The following DNAH5 variants were observed in gnomAD, a reference collection of about 807,000 sequenced individuals.
DNAH5 encodes the protein axonemal beta dynein heavy chain 5.
DNAH5 carries 372 observed loss-of-function variants against 518.2 expected under a neutral mutation model. The ratio of observed to expected loss-of-function variants is 0.72; its 90% CI spans 0.66 to 0.78. The LOEUF is 0.78. Among genes scored for constraint, DNAH5 ranks in the 30% least tolerant of loss-of-function variants. The pLI is 0.00. For synonymous variants in DNAH5, 2,039 were observed against 2,025.9 expected (o/e 1.01, Z -0.17); for missense variants, 5,523 against 5,687.0 (o/e 0.97, Z 0.93).
At chr5:13,791,231 T>TG (rs1309449768) in intron 50 of DNAH5, among the ~76,000 whole-genome samples, 3 of 152,186 alleles carry the variant, frequency 2.0e-5, no homozygotes, top group Non-Finnish European at 4.4e-5. Context: ...TCTCTGTGTG[T>TG]TTATATGGAG....
chr5:13,735,723 TC>T, intron 67 of DNAH5, 94 bp downstream of exon 67: 1 of 988,824 alleles, frequency 1.0e-6, no homozygotes, highest in Non-Finnish European at 1.6e-6. Context: ...AGAAAAAGAC[TC>T]TTACTAACAA....
intron 1 of DNAH5, among the ~76,000 whole-genome samples, chr5:13,966,782 T>G (rs577434108): frequency 1.3e-5 from 2 of 152,260 alleles, no homozygotes; most frequent in African/African-American, 4.8e-5. Flanking sequence ...ATGCATAGTT[T>G]GTGAAGATAT....
intron 47 of DNAH5, among the ~76,000 whole-genome samples, chr5:13,804,519 A>C (rs1759271832): frequency 6.6e-6 from 1 of 152,242 alleles, no homozygotes; most frequent in African/African-American, 2.4e-5. Flanking sequence ...AATTACAGTG[A>C]GAAAGTTAAT....
At chr5:13,930,108 T>G (rs1402693916) in intron 2 of DNAH5, among the ~76,000 whole-genome samples, 1 of 152,162 alleles carries the variant, frequency 6.6e-6, no homozygotes, top group African/African-American at 2.4e-5. Context: ...GCTTGATCCA[T>G]CCTGTAGTTT....
rs759149687 is a variant in DNAH5, at chr5:13,916,453, T to G, written c.1092A>C (p.Leu364=). 2.0e-6 allele frequency: 3 copies of G among 1,523,020 alleles called. No individual in the cohort carries two copies. The highest frequency in any genetic ancestry group is 1.1e-5 in the South Asian group (1 of 89,260). The allele number at this position is 1,523,020 out of a possible 1,614,324, so 94.3% of individuals were successfully genotyped here. ...CCDPLYSSDP[L]SMMDAIPTLI... is the part of the protein sequence containing the mutation. ...GTGTAGGAATAGCATCCATCATGGATAGCTGAAAGATATCACCAAAGTTTT... is the reference window on the plus strand; with the variant it reads ...GTGTAGGAATAGCATCCATCATGGAGAGCTGAAAGATATCACCAAAGTTTT... Residue 364 remains leucine, a splice_region_variant and synonymous_variant, in exon 9 of 79, where the codon CTA becomes CTC. Transcript: ENST00000265104.
chr5:13,713,632 T>G (rs1186314155), intron 75 of DNAH5, among the ~76,000 whole-genome samples: 1 of 149,358 alleles, frequency 6.7e-6, no homozygotes, highest in Non-Finnish European at 1.5e-5. Flanking sequence ...ATGTGGGAGC[T>G]AAGCTATGAG....
chr5:13,810,906 A>G (rs1760602711), intron 44 of DNAH5, among the ~76,000 whole-genome samples: 1 of 152,242 alleles, frequency 6.6e-6, no homozygotes, highest in African/African-American at 2.4e-5. Context: ...GCCATAAAAA[A>G]GAATGAGAGC....
At position 13,802,321 on chromosome 5, in the gene DNAH5, A is replaced by C. The variant is rs376380914; in HGVS notation, c.7887+5270T>G. Among the ~76,000 whole-genome samples, 30 of 152,328 alleles carry C rather than the reference A, an allele frequency of 2.0e-4. No homozygotes were observed. The East Asian group carries it at 4.8e-3, about 24-fold the overall frequency. On this transcript the variant is annotated intron_variant, in intron 47 of 78. Coordinates refer to ENST00000265104, the MANE Select transcript of DNAH5 (RefSeq NM_001369.3). ...GGTCAGAAAACCAGGTAGGCTGAGG[A>C]ATGGAGCTCCCTTCTGGCTCTTTTC...
chr5:13,869,282 C>G (rs1050111834), intron 24 of DNAH5, among the ~76,000 whole-genome samples: 26 of 151,528 alleles, frequency 1.7e-4, no homozygotes, highest in African/African-American at 6.3e-4. Flanking sequence ...CCCAGACATT[C>G]CAGTTATAGT....
chr5:13,832,227 C>T (rs1396576227), intron 35 of DNAH5, among the ~76,000 whole-genome samples: 2 of 152,238 alleles, frequency 1.3e-5, no homozygotes, highest in African/African-American at 4.8e-5. Flanking sequence ...CACTCGGCTG[C>T]TGTGTTATGC....
At position 13,953,553 on chromosome 5, in the gene DNAH5, TAAA is replaced by T. The variant is rs139117537; in HGVS notation, c.13-22312_13-22310del. 1.1e-3 allele frequency among the ~76,000 whole-genome samples: 162 copies of T among 152,290 alleles called. 4 individuals are homozygous for T. In the East Asian group the frequency reaches 0.025, roughly 24 times the overall value. On this transcript the variant is annotated intron_variant, in intron 1 of 78. Transcript: ENST00000681290. ...CATAAAGGACCTTGCTATGAAAACA[TAAA>T]GAACAAGATAAGGCAAGAATTTTGA... is the stretch of plus-strand genomic sequence containing the variant.
At chr5:13,799,024 C>T (rs1758302780) in intron 47 of DNAH5, among the ~76,000 whole-genome samples, 1 of 151,984 alleles carries the variant, frequency 6.6e-6, no homozygotes, top group Admixed American at 6.6e-5. Flanking sequence ...CCTCAGCTTC[C>T]CAATGTGCTG....
intron 17 of DNAH5, among the ~76,000 whole-genome samples, chr5:13,887,651 C>T (rs150448976): frequency 5.9e-5 from 9 of 152,312 alleles, no homozygotes; most frequent in East Asian, 3.9e-4. Context: ...ACCTACTAGA[C>T]GCCATGTCTT....
chr5:13,790,643 T>G (rs1756822934), intron 50 of DNAH5, among the ~76,000 whole-genome samples: 2 of 152,172 alleles, frequency 1.3e-5, no homozygotes, highest in South Asian at 4.1e-4. Flanking sequence ...CTTCCCCTTT[T>G]GCTCCACACT....
intron 1 of DNAH5, among the ~76,000 whole-genome samples, chr5:13,996,222 C>T (rs1783935898): frequency 1.3e-5 from 2 of 152,168 alleles, no homozygotes; most frequent in South Asian, 2.1e-4. Context: ...TTCCATGCCC[C>T]ACCTCCTAAT....
chr5:13,921,436 G>GTCTCTC (rs146530328), intron 5 of DNAH5, among the ~76,000 whole-genome samples: 13,454 of 125,056 alleles, frequency 0.11, 968 homozygotes, highest in Non-Finnish European at 0.13. Flanking sequence ...CTCTCTCTCT[G>GTCTCTC]TCTCTCTCTC....
chr5:13,985,463 A>ATATG (rs1782989712), intron 1 of DNAH5, among the ~76,000 whole-genome samples: 1 of 121,640 alleles, frequency 8.2e-6, no homozygotes, highest in Admixed American at 8.3e-5. Context: ...ATATATATAT[A>ATATG]TATAAAGCAA....
At position 13,700,644 on chromosome 5, in the gene DNAH5, G is replaced by A. The variant is rs747291233; in HGVS notation, c.13719C>T (p.Asn4573=). Residue 4573 remains asparagine (N), a synonymous_variant, in exon 78 of 79, where the codon AAC becomes AAT. Coordinates refer to ENST00000265104, the MANE Select transcript of DNAH5 (RefSeq NM_001369.3). The part of the protein sequence containing the change: ...LMPVIRIYAE[N]NTLRDPRFYS... The stretch of plus-strand genomic sequence containing the variant: ...TGAAGGTACAAGACAACTTACTATT[G>A]TTTTCTGCATAAATCCTTATGACAG... The A allele has an allele frequency of 3.2e-5, 52 of 1,613,828 alleles. No homozygotes were observed. The highest frequency in any genetic ancestry group is 3.8e-5 in the Non-Finnish European group (45 of 1,179,874).
intron 72 of DNAH5, 103 bp from the exon 73 acceptor site, chr5:13,717,623 CACTT>C (rs1315785488): frequency 3.0e-6 from 3 of 1,013,568 alleles, no homozygotes; most frequent in African/African-American, 3.2e-5. Context: ...TATTAAAATT[CACTT>C]ACTTTGGATT....
Sources: gnomAD v4.1 joint callset for allele counts (sites outside exome capture counted in the v4.1 genomes callset) on GRCh38, gnomAD v4.1.1 for gene constraint, MANE v1.5 for transcripts, NCBI Gene and HGNC (gene_info 2026-07-23, HGNC 2026-07-21) for gene names.